Variants in PDSS1 observed in about 807,000 individuals in gnomAD.
PDSS1 encodes the protein decaprenyl diphosphate synthase subunit 1, also known as all trans-polyprenyl-diphosphate synthase PDSS1.
In PDSS1, 43 loss-of-function variants were observed where a neutral mutation model predicts 57.5. The observed-to-expected ratio is 0.75, with a 90% CI of 0.59 to 0.96. The LOEUF is 0.96. PDSS1 is among the 50% of genes least tolerant of loss of function. The pLI, the probability that PDSS1 is intolerant of heterozygous loss-of-function variation, is 0.00. For synonymous variants in PDSS1, 175 were observed against 191.3 expected (o/e 0.91, Z 0.70); for missense variants, 438 against 527.8 (o/e 0.83, Z 1.67).
At chr10:26,706,862 G>A (rs1835240280) in intron 4 of PDSS1, among the ~76,000 whole-genome samples, 1 of 152,192 alleles carries the variant, frequency 6.6e-6, no homozygotes, top group Admixed American at 6.5e-5. Flanking sequence ...CTCCTCAGAA[G>A]AAAGAATTCG....
intron 10 of PDSS1, chr10:26,740,574 T>G: frequency 2.2e-6 from 1 of 454,144 alleles, no homozygotes; most frequent in Admixed American, 2.4e-5. Flanking sequence ...TTTCTATGTA[T>G]GCCCTATTTT....
intron 1 of PDSS1, chr10:26,701,871 C>T (rs189919472): frequency 8.0e-4 from 364 of 454,548 alleles, no homozygotes; most frequent in Non-Finnish European, 1.5e-3. Flanking sequence ...GCACTCAATG[C>T]CAGCCCATGA....
At chr10:26,739,492 A>G (rs887574716) in intron 10 of PDSS1, among the ~76,000 whole-genome samples, 3 of 152,356 alleles carry the variant, frequency 2.0e-5, no homozygotes, top group South Asian at 2.1e-4. Flanking sequence ...TAGTCACTCA[A>G]TGCAAATATT....
At position 26,710,909 on chromosome 10, in the gene PDSS1, G is replaced by C. The variant is rs975934527; in HGVS notation, c.467+1141G>C. ...AATGGCCCTTCATCTATCAGTCCCTGGATGTGGGCTGCCTCCCGAAGGGGC... is the reference window on the plus strand; with the variant it reads ...AATGGCCCTTCATCTATCAGTCCCTCGATGTGGGCTGCCTCCCGAAGGGGC... On this transcript the variant is annotated intron_variant, in intron 5 of 11. Coordinates refer to ENST00000376215, the MANE Select transcript of PDSS1 (RefSeq NM_014317.5). 7.0e-5 allele frequency among the ~76,000 whole-genome samples: 7 copies of C among 99,418 alleles called. 3 individuals are homozygous for C. Among genetic ancestry groups the C allele is most frequent in the Admixed American group, 3.6e-4 (3 of 8,432 alleles). 65.2% of individuals were successfully genotyped at this position (99,418 alleles called of 152,430 possible). A position where few individuals can be genotyped will look rare whatever the true frequency, so the allele number is the denominator to read the frequency against.
At chr10:26,703,907 CCA>C (rs1421026726) in intron 2 of PDSS1, among the ~76,000 whole-genome samples, 7 of 151,520 alleles carry the variant, frequency 4.6e-5, no homozygotes, top group Non-Finnish European at 8.8e-5. Context: ...CGGTGAAACC[CCA>C]TCTCTACTAA....
At chr10:26,726,252 T>A (rs1835943671) in intron 8 of PDSS1, among the ~76,000 whole-genome samples, 1 of 152,228 alleles carries the variant, frequency 6.6e-6, no homozygotes, top group South Asian at 2.1e-4. Context: ...TTAACGTGGC[T>A]GGACCCTTAT....
At chr10:26,702,423 A>G (rs938651652) in intron 2 of PDSS1, among the ~76,000 whole-genome samples, 9 of 152,154 alleles carry the variant, frequency 5.9e-5, no homozygotes, top group Admixed American at 2.6e-4. Flanking sequence ...CTGGGGGCAG[A>G]TTCCCCCATG....
intron 5 of PDSS1, among the ~76,000 whole-genome samples, chr10:26,711,242 CATCTCCCTAGTGTTGA>C (rs1835400921): frequency 2.0e-5 from 2 of 100,232 alleles, no homozygotes; most frequent in South Asian, 5.3e-4. Flanking sequence ...TGTACTAATA[CATCTCCCTAGTGTTGA>C]ACATTTGTAT....
rs1834911891 is a variant in PDSS1, at chr10:26,697,793, C to G, written c.82C>G (p.Arg28Gly). The G allele has an allele frequency of 3.8e-6, 5 of 1,306,846 alleles. No individual in the cohort carries two copies. The highest frequency in any genetic ancestry group is 4.9e-6 in the Non-Finnish European group (5 of 1,030,224). 81.0% of individuals were successfully genotyped at this position (1,306,846 alleles called of 1,614,324 possible). ...ARSPGPGSPG[R>G]AGPLGPSAAA... ...GAGCCCCGGGCCCGGCTCCCCCGGC[C>G]GTGCGGGACCGTTGGGGCCGAGCGC... The change falls in exon 1 of 12, where the codon CGT becomes GGT. Residue 28 changes from arginine to glycine, a missense_variant. This residue lies in a region of PDSS1 where 154 missense variants were observed against 137.0 expected (regional missense o/e 1.12). Coordinates refer to ENST00000376215, the MANE Select transcript of PDSS1 (RefSeq NM_014317.5).
intron 6 of PDSS1, among the ~76,000 whole-genome samples, chr10:26,723,292 G>T (rs1835847286): frequency 6.6e-6 from 1 of 152,176 alleles, no homozygotes; most frequent in Non-Finnish European, 1.5e-5. Flanking sequence ...TGAGCAGAAG[G>T]AACAGTAAGT....
chr10:26,705,263 A>G (rs747935301), intron 3 of PDSS1, 23 bp from the exon 4 acceptor site: 2 of 1,309,474 alleles, frequency 1.5e-6, no homozygotes, highest in Non-Finnish European at 2.2e-6. Flanking sequence ...AAATGAAGTC[A>G]TGTGCATTTT....
chr10:26,734,540 T>G, intron 8 of PDSS1: 1 of 376,324 alleles, frequency 2.7e-6, no homozygotes, highest in Non-Finnish European at 5.2e-6. Flanking sequence ...TCAGAAGTCT[T>G]ATTTCTCCCC....
chr10:26,738,392 A>G (rs1056660567), intron 10 of PDSS1, among the ~76,000 whole-genome samples: 1 of 152,226 alleles, frequency 6.6e-6, no homozygotes, highest in Non-Finnish European at 1.5e-5. Context: ...GTCTAAGACC[A>G]GTATTCATTT....
At chr10:26,701,211 C>T (rs556010399) in intron 1 of PDSS1, among the ~76,000 whole-genome samples, 33 of 152,288 alleles carry the variant, frequency 2.2e-4, no homozygotes, top group Non-Finnish European at 2.5e-4. Flanking sequence ...AGAGCATAAA[C>T]GTTTGGAAAA....
intron 11 of PDSS1, among the ~76,000 whole-genome samples, chr10:26,743,041 G>A (rs796476313): frequency 4.5e-4 from 69 of 152,276 alleles, no homozygotes; most frequent in African/African-American, 1.6e-3. Context: ...CATCCTACCT[G>A]TTATAAAAGT....
chr10:26,697,733 T>TGGCGGCGCGGCTGCTCCTGGAAGCC lies in PDSS1; in HGVS notation c.33_57dup (p.Ser20LeufsTer35), dbSNP rs1252856988. 5 of 1,296,300 alleles carry TGGCGGCGCGGCTGCTCCTGGAAGCC rather than the reference T, an allele frequency of 3.9e-6. No individual in the cohort carries two copies. Among genetic ancestry groups the TGGCGGCGCGGCTGCTCCTGGAAGCC allele is most frequent in the Non-Finnish European group, 3.9e-6 (4 of 1,026,594 alleles). 80.3% of individuals were successfully genotyped at this position (1,296,300 alleles called of 1,614,324 possible). A position where few individuals can be genotyped will look rare whatever the true frequency, so the allele number is the denominator to read the frequency against. On this transcript the variant is annotated frameshift_variant, in exon 1 of 12. Transcript: ENST00000376215. LOFTEE classifies it high-confidence loss of function. ...GACCATGGCCTCGCGCTGGTGGCGGTGGCGGCGCGGCTGCTCCTGGAAGCC... is the reference window on the plus strand; with the variant it reads ...GACCATGGCCTCGCGCTGGTGGCGGTGGCGGCGCGGCTGCTCCTGGAAGCCGGCGGCGCGGCTGCTCCTGGAAGCC...
chr10:26,742,547 T>C lies in PDSS1; in HGVS notation c.1077T>C (p.Asp359=). 1 of 1,612,568 alleles carries C rather than the reference T, an allele frequency of 6.2e-7. No individual in the cohort carries two copies. Among genetic ancestry groups the C allele is most frequent in the African/African-American group, 1.3e-5 (1 of 75,004 alleles). ...MIMRRFSLPG[D]VDRARQYVLQ... ...TGCGACGGTTCAGTTTGCCTGGAGA[T>C]GTAGACAGAGCTCGACAGTATGTAC... The change falls in exon 11 of 12, where the codon GAT becomes GAC. Residue 359 remains aspartate (D), a synonymous_variant. Coordinates refer to ENST00000376215, the MANE Select transcript of PDSS1 (RefSeq NM_014317.5).
At chr10:26,703,185 C>G (rs1405873120) in intron 2 of PDSS1, among the ~76,000 whole-genome samples, 1 of 152,182 alleles carries the variant, frequency 6.6e-6, no homozygotes, top group Non-Finnish European at 1.5e-5. Context: ...CGAGATCTGT[C>G]TTCCAAAGTC....
At position 26,720,337 on chromosome 10, in the gene PDSS1, A is replaced by G. The variant is rs1168864884; in HGVS notation, c.587A>G (p.Asn196Ser). The change falls in exon 6 of 12, where the codon AAT becomes AGT. Residue 196 changes from asparagine (N) to serine (S), a missense_variant. Asn to Ser is a conservative substitution (Grantham distance 46, BLOSUM62 1). Around this residue, in one of 2 missense-constraint regions of PDSS1, gnomAD observed 284 missense variants for 390.7 expected, o/e 0.73. Transcript: ENST00000376215. ...TCTCGAAGAGGAAAACACACAGTTA[A>G]TAAGATCTGGGGTGAAAAGAAGGTA... ...ASSRRGKHTV[N>S]KIWGEKKAVL... 6 of 1,612,746 alleles carry G rather than the reference A, an allele frequency of 3.7e-6. No homozygotes were observed. The Admixed American group carries it at 5.0e-5, about 13-fold the overall frequency.
Sources: gnomAD v4.1 joint callset for allele counts (sites outside exome capture counted in the v4.1 genomes callset) on GRCh38, gnomAD v4.1.1 for gene constraint, gnomAD v4.1.1 regional missense constraint, MANE v1.5 for transcripts, NCBI Gene and HGNC (gene_info 2026-07-23, HGNC 2026-07-21) for gene names.